Variants in MTRR observed in about 807,000 individuals in gnomAD.
MTRR encodes 5-methyltetrahydrofolate-homocysteine methyltransferase reductase.
MTRR carries 63 observed loss-of-function variants against 79.2 expected under a neutral mutation model. That is an observed-to-expected ratio of 0.80 (90% CI 0.65 to 0.98). The LOEUF (loss-of-function observed/expected upper bound fraction) is 0.98. Ranked by LOEUF, MTRR falls within the 50% of genes least tolerant of loss-of-function variation. The pLI, the probability that MTRR is intolerant of heterozygous loss-of-function variation, is 0.00. For synonymous variants in MTRR, 355 were observed against 313.3 expected, an observed-to-expected ratio of 1.13 and a Z score of -1.41; for missense variants, 895 against 839.6, an observed-to-expected ratio of 1.07 and a Z score of -0.82.
At chr5:7,851,153 A>C, upstream of MTRR, 1 of 1,129,606 alleles carries the variant, frequency 8.9e-7, no homozygotes, top group Non-Finnish European at 1.1e-6. Context: ...CGTTGCCTGG[A>C]AACCGCCGCC....
intron 1 of MTRR, 32 bp downstream of exon 1, chr5:7,869,247 T>G (rs1407317912): frequency 2.5e-6 from 4 of 1,600,356 alleles, no homozygotes; most frequent in Non-Finnish European, 3.4e-6. Flanking sequence ...GTTCCCGGAT[T>G]CCGGCCGCTC....
At chr5:7,862,594 G>C (rs1049849380) in intron 2 of MTRR, among the ~76,000 whole-genome samples, 1 of 151,924 alleles carries the variant, frequency 6.6e-6, no homozygotes, top group Non-Finnish European at 1.5e-5. Context: ...AGCAGAAAAA[G>C]GTTAAATATT....
chr5:7,890,136 T>G (rs898449521), intron 9 of MTRR: 1 of 432,060 alleles, frequency 2.3e-6, no homozygotes, highest in Non-Finnish European at 3.1e-6. Flanking sequence ...CATTTTTCTT[T>G]GGTGACACCA....
intron 2 of MTRR, chr5:7,863,166 C>G: frequency 1.6e-6 from 1 of 635,310 alleles, no homozygotes. Flanking sequence ...GCAAACTTCT[C>G]TTCTTACAGT....
At chr5:7,864,193 A>C (rs188664995), upstream of MTRR, among the ~76,000 whole-genome samples, 9 of 152,312 alleles carry the variant, frequency 5.9e-5, no homozygotes, top group East Asian at 1.5e-3. Flanking sequence ...AAAATGATAG[A>C]TATGGAGGTA....
intron 9 of MTRR, among the ~76,000 whole-genome samples, chr5:7,890,026 A>G (rs1737282795): frequency 6.6e-6 from 1 of 152,164 alleles, no homozygotes; most frequent in African/African-American, 2.4e-5. Flanking sequence ...GGTGAAGACT[A>G]AGCGCTTTAT....
upstream of MTRR, chr5:7,867,680 T>G: frequency 6.2e-7 from 1 of 1,614,244 alleles, no homozygotes; most frequent in South Asian, 1.1e-5. Flanking sequence ...ACAAATTCGT[T>G]GTAAAGCTCC....
At chr5:7,897,591 T>A (rs548856887) in intron 14 of MTRR, among the ~76,000 whole-genome samples, 1 of 152,170 alleles carries the variant, frequency 6.6e-6, no homozygotes, top group Admixed American at 6.5e-5. Context: ...AATAGGTGAT[T>A]TGTGCTGTTG....
intron 11 of MTRR, chr5:7,893,490 T>C (rs1737991916): frequency 6.4e-6 from 1 of 156,122 alleles, no homozygotes; most frequent in South Asian, 1.9e-4. Flanking sequence ...TAAAAGGTTA[T>C]GTGATTTTCT....
rs1212701617 is a variant in MTRR at position 7,885,709 on chromosome 5, CT to C, written c.916del (p.Ser306ProfsTer10). The C allele has an allele frequency of 6.2e-7, 1 of 1,610,572 alleles. No homozygotes were observed. The highest frequency in any genetic ancestry group is 1.3e-5 in the African/African-American group (1 of 74,080). On this transcript the variant is annotated frameshift_variant, in exon 7 of 15. Coordinates refer to ENST00000440940, the MANE Select transcript of MTRR (RefSeq NM_002454.3). LOFTEE classifies it high-confidence loss of function. ...TTTTGGCTCTTCTCTAGAATACAGA[CT>C]TTTCCTATCAGCCTGGAGATGCCTT... The part of the protein sequence containing the change: ...LVELDISNTD[F>X]SYQPGDAFSV...
intron 1 of MTRR, chr5:7,861,588 A>G (rs1326384260): frequency 6.3e-7 from 1 of 1,588,282 alleles, no homozygotes; most frequent in Non-Finnish European, 8.6e-7. Flanking sequence ...TGTACCTTTT[A>G]TGGATATCTT....
At chr5:7,882,847 G>A (rs540745354) in intron 5 of MTRR, among the ~76,000 whole-genome samples, 1 of 152,126 alleles carries the variant, frequency 6.6e-6, no homozygotes, top group African/African-American at 2.4e-5. Context: ...AACATTTGCA[G>A]ACATTCTGTT....
rs780451901 is a variant in MTRR, at chr5:7,878,124, G to A, written c.582G>A (p.Leu194=). Residue 194 remains leucine, a synonymous_variant, in exon 5 of 15, where the codon CTG becomes CTA. Coordinates refer to ENST00000440940, the MANE Select transcript of MTRR (RefSeq NM_002454.3). ...LLHIESQVEL[L]RFDDSGRKDS... ...ACATTGAATCTCAAGTCGAGCTTCT[G>A]AGATTCGATGATTCAGGAAGAAAGG... 1 of 1,614,118 alleles carries A rather than the reference G, an allele frequency of 6.2e-7. No homozygotes were observed. The highest frequency in any genetic ancestry group is 1.1e-5 in the South Asian group (1 of 91,074).
At chr5:7,894,408 G>A (rs1164939853) in intron 11 of MTRR, among the ~76,000 whole-genome samples, 2 of 152,228 alleles carry the variant, frequency 1.3e-5, no homozygotes, top group African/African-American at 2.4e-5. Flanking sequence ...GCCTGTGGGC[G>A]TGGTGTAGCT....
chr5:7,885,673 T>TC (rs759788037), intron 6 of MTRR, 28 bp from the exon 7 acceptor site: 2 of 1,604,212 alleles, frequency 1.2e-6, no homozygotes, highest in Non-Finnish European at 1.7e-6. Flanking sequence ...TAATGTATTT[T>TC]TTTTTTTTCA....
At chr5:7,862,192 T>C (rs1254214739) in intron 2 of MTRR, 1 of 152,538 alleles carries the variant, frequency 6.6e-6, no homozygotes, top group African/African-American at 2.4e-5. Flanking sequence ...GCCTATGAAC[T>C]GCTGTCCTTT....
chr5:7,879,739 C>T (rs936870438), intron 5 of MTRR, among the ~76,000 whole-genome samples: 2 of 152,206 alleles, frequency 1.3e-5, no homozygotes, highest in Admixed American at 1.3e-4. Context: ...GCAGTCTCAA[C>T]AAAGGCCTCA....
chr5:7,869,223 GC>G lies in MTRR; in HGVS notation c.-26+10del. Reference sequence around the variant, plus strand: ...CCGGCTGGCGCGGCGTGGGTAAGCTGCCTGTCGGCTACGGTTCCCGGATTCC... The same window carrying G: ...CCGGCTGGCGCGGCGTGGGTAAGCTGCTGTCGGCTACGGTTCCCGGATTCC... On this transcript the variant is annotated intron_variant, in intron 1 of 14. Coordinates refer to ENST00000440940, the MANE Select transcript of MTRR (RefSeq NM_002454.3). The G allele has an allele frequency of 6.2e-7, 1 of 1,604,846 alleles. No individual in the cohort carries two copies. The highest frequency in any genetic ancestry group is 2.2e-5 in the East Asian group (1 of 44,860).
In MTRR at chr5:7,883,141, AT is replaced by A; in HGVS notation, c.781-11del. On this transcript the variant is annotated splice_polypyrimidine_tract_variant and intron_variant, in intron 5 of 14. Transcript: ENST00000440940. ...GAAAATTGCACTTACGTTTTGTCAC[AT>A]TTGTTTTTCAAGGAGGAAAGCCAAG... is the stretch of plus-strand genomic sequence containing the variant. The A allele has an allele frequency of 6.2e-7, 1 of 1,614,080 alleles. No homozygotes were observed. The highest frequency in any genetic ancestry group is 8.5e-7 in the Non-Finnish European group (1 of 1,179,976).
Sources: gnomAD v4.1 joint callset for allele counts (sites outside exome capture counted in the v4.1 genomes callset) on GRCh38, gnomAD v4.1.1 for gene constraint, MANE v1.5 for transcripts, NCBI Gene and HGNC (gene_info 2026-07-23, HGNC 2026-07-21) for gene names.